THEMIS: variants seen among roughly 807,000 people sequenced by gnomAD.
The protein encoded by THEMIS is protein THEMIS.
THEMIS carries 37 observed loss-of-function variants against 52.6 expected under a neutral mutation model. The ratio of observed to expected loss-of-function variants is 0.70; its 90% confidence interval spans 0.54 to 0.93. The LOEUF is 0.93. Ranked by LOEUF, THEMIS falls within the 40% of genes least tolerant of loss-of-function variation. The pLI, the probability that THEMIS is intolerant of heterozygous loss-of-function variation, is 0.00. For missense variants in THEMIS, 808 were observed against 763.1 expected, an observed-to-expected ratio of 1.06 and a Z score of -0.69; for synonymous variants, 292 against 272.7, an observed-to-expected ratio of 1.07 and a Z score of -0.70.
intron 4 of THEMIS, among the ~76,000 whole-genome samples, chr6:127,772,513 G>A (rs1039555701): frequency 6.6e-6 from 1 of 151,968 alleles, no homozygotes; most frequent in Non-Finnish European, 1.5e-5. Context: ...AAAAGTTCTA[G>A]CATCTGAGCT....
At chr6:127,703,913 G>T (rs972873392), downstream of THEMIS, among the ~76,000 whole-genome samples, 1 of 152,100 alleles carries the variant, frequency 6.6e-6, no homozygotes, top group African/African-American at 2.4e-5. Flanking sequence ...TAAGATCAAG[G>T]TACCAGAAGA....
At chr6:127,759,793 CCTTT>C (rs1292323213) in intron 4 of THEMIS, among the ~76,000 whole-genome samples, 1 of 150,840 alleles carries the variant, frequency 6.6e-6, no homozygotes. Flanking sequence ...TTCCTTCCCT[CCTTT>C]CTTTCCCTCC....
intron 2 of THEMIS, among the ~76,000 whole-genome samples, chr6:127,853,259 T>TA (rs1000070907): frequency 5.2e-4 from 79 of 151,700 alleles, no homozygotes; most frequent in African/African-American, 1.8e-3. Context: ...TATAGTGATT[T>TA]AAAAAGGGAA....
intron 4 of THEMIS, among the ~76,000 whole-genome samples, chr6:127,761,733 T>A (rs868668363): frequency 6.6e-6 from 1 of 151,986 alleles, no homozygotes; most frequent in Non-Finnish European, 1.5e-5. Context: ...GTGAAATAAA[T>A]CTTTCTCTTT....
intron 5 of THEMIS, among the ~76,000 whole-genome samples, chr6:127,711,356 T>A (rs1201914058): frequency 6.6e-6 from 1 of 151,876 alleles, no homozygotes; most frequent in Non-Finnish European, 1.5e-5. Context: ...CCTGAGGAGG[T>A]CACAGACTAC....
intron 4 of THEMIS, among the ~76,000 whole-genome samples, chr6:127,730,299 A>G (rs1468679806): frequency 6.8e-6 from 1 of 147,536 alleles, no homozygotes; most frequent in Admixed American, 6.7e-5. Flanking sequence ...AAGAAAAGAA[A>G]AGAAAAGAAA....
chr6:127,807,769 C>T (rs567968356), intron 4 of THEMIS, among the ~76,000 whole-genome samples: 1 of 152,110 alleles, frequency 6.6e-6, no homozygotes, highest in South Asian at 2.1e-4. Context: ...GTGACCAAAC[C>T]CTATTGATAA....
intron 5 of THEMIS, among the ~76,000 whole-genome samples, chr6:127,711,761 A>G (rs1324348527): frequency 6.6e-6 from 1 of 152,034 alleles, no homozygotes; most frequent in Non-Finnish European, 1.5e-5. Flanking sequence ...AAAAGGAATA[A>G]CAGCAATATT....
intron 4 of THEMIS, among the ~76,000 whole-genome samples, chr6:127,743,868 T>A (rs1775291516): frequency 6.6e-6 from 1 of 152,128 alleles, no homozygotes; most frequent in East Asian, 1.9e-4. Context: ...CTACAGGTAT[T>A]TCCCTAGGTT....
chr6:127,843,120 A>G (rs1442569629), intron 2 of THEMIS, among the ~76,000 whole-genome samples: 1 of 152,012 alleles, frequency 6.6e-6, no homozygotes, highest in East Asian at 1.9e-4. Context: ...TATTTAGTGA[A>G]TTTAGTAAAT....
At chr6:127,916,378 T>C (rs2114543161) in intron 1 of THEMIS, among the ~76,000 whole-genome samples, 1 of 152,246 alleles carries the variant, frequency 6.6e-6, no homozygotes, top group Middle Eastern at 3.4e-3. Flanking sequence ...CAAACCCCAA[T>C]TTTTGTTTGT....
At chr6:127,699,866 A>T in the THEMIS span, among the ~76,000 whole-genome samples, 2 of 151,966 alleles carry the variant, frequency 1.3e-5, no homozygotes, top group Admixed American at 6.5e-5. Context: ...TTTAGAAGAA[A>T]ATGCAATAGA....
chr6:127,760,700 C>T (rs1021406882), intron 4 of THEMIS, among the ~76,000 whole-genome samples: 2 of 151,906 alleles, frequency 1.3e-5, no homozygotes, highest in African/African-American at 4.8e-5. Flanking sequence ...TGATTTGGGA[C>T]CAGGAGTTAA....
chr6:127,910,058 G>A (rs531561800), intron 1 of THEMIS: 3 of 152,174 alleles, frequency 2.0e-5, no homozygotes, highest in African/African-American at 4.8e-5. Context: ...AAATCTCAAA[G>A]GGATTGAAAA....
chr6:127,766,156 A>G (rs1776192083), intron 4 of THEMIS, among the ~76,000 whole-genome samples: 1 of 152,108 alleles, frequency 6.6e-6, no homozygotes, highest in African/African-American at 2.4e-5. Context: ...TAATATCACA[A>G]TTCTAACAAA....
At chr6:127,856,245 A>C (rs1779614999) in intron 1 of THEMIS, among the ~76,000 whole-genome samples, 1 of 151,962 alleles carries the variant, frequency 6.6e-6, no homozygotes, top group Admixed American at 6.6e-5. Flanking sequence ...TGCACCTAGA[A>C]CATTTTTATG....
At chr6:127,784,215 A>G (rs1362027147) in intron 4 of THEMIS, among the ~76,000 whole-genome samples, 2 of 152,160 alleles carry the variant, frequency 1.3e-5, no homozygotes, top group African/African-American at 2.4e-5. Context: ...GGAGGGGAAC[A>G]TCACACACCA....
chr6:127,827,193 T>C (rs1405689016), intron 3 of THEMIS, among the ~76,000 whole-genome samples: 1 of 152,164 alleles, frequency 6.6e-6, no homozygotes, highest in African/African-American at 2.4e-5. Context: ...GAAAGAATCA[T>C]GTAAAACAAC....
Position 127,761,672 on chromosome 6 carries a change from AG to A in THEMIS, c.1759-41850del, listed in dbSNP as rs539200549. On this transcript the variant is annotated intron_variant, in intron 4 of 5. Coordinates refer to ENST00000368248, the MANE Select transcript of THEMIS (RefSeq NM_001010923.3). Reference sequence around the variant, plus strand: ...TAAAACTAATGCACATACTACTCTCAGGGAGCAGCCCACCCTTTTCTTTTTG... The same window carrying A: ...TAAAACTAATGCACATACTACTCTCAGGAGCAGCCCACCCTTTTCTTTTTG... Among the ~76,000 whole-genome samples the A allele has an allele frequency of 1.3e-3, 202 of 152,268 alleles. 1 individual carries two copies. Among genetic ancestry groups the A allele is most frequent in the African/African-American group, 4.8e-3 (200 of 41,578 alleles).
Sources: gnomAD v4.1 joint callset for allele counts (sites outside exome capture counted in the v4.1 genomes callset) on GRCh38, gnomAD v4.1.1 for gene constraint, MANE v1.5 for transcripts, NCBI Gene and HGNC (gene_info 2026-07-23, HGNC 2026-07-21) for gene names.